SH2D4B: variants seen among roughly 807,000 people sequenced by gnomAD.
SH2D4B encodes SH2 domain-containing protein 4B.
SH2D4B carries 45 observed loss-of-function variants against 61.5 expected under a neutral mutation model. The observed-to-expected ratio is 0.73, with a 90% CI of 0.58 to 0.94. The LOEUF is 0.94. Among genes scored for constraint, SH2D4B ranks in the 40% least tolerant of loss-of-function variants. The probability of loss-of-function intolerance (pLI) is 0.00; values close to 1 mark genes in which losing one functional copy is unlikely to be tolerated. For missense variants in SH2D4B, 572 were observed against 574.2 expected (o/e 1.00, Z 0.04); for synonymous variants, 224 against 220.4 (o/e 1.02, Z -0.14).
intron 1 of SH2D4B, among the ~76,000 whole-genome samples, chr10:80,557,408 T>C (rs901468257): frequency 6.6e-6 from 1 of 152,158 alleles, no homozygotes; most frequent in African/African-American, 2.4e-5. Flanking sequence ...GAATATATTC[T>C]CTCCTCTTCC....
In SH2D4B at chr10:80,603,642, A is replaced by G; in HGVS notation, c.707A>G (p.Tyr236Cys). 6.2e-7 allele frequency: 1 copy of G among 1,602,128 alleles called. No individual in the cohort carries two copies. The highest frequency in any genetic ancestry group is 1.1e-5 in the South Asian group (1 of 88,864). ...SRRAQRARDE[Y>C]RHHSLRAIQK... is the part of the protein sequence containing the mutation. Reference sequence around the variant, plus strand: ...CGAGCCCAGCGCGCCCGGGACGAGTACCGACACCACTCGCTCCGTGCTATC... The same window carrying G: ...CGAGCCCAGCGCGCCCGGGACGAGTGCCGACACCACTCGCTCCGTGCTATC... The change falls in exon 5 of 8, where the codon TAC becomes TGC. Residue 236 changes from tyrosine (Y) to cysteine (C), a missense_variant. By Grantham distance (194) the Tyr-to-Cys change is radical. Coordinates refer to ENST00000646907, the MANE Select transcript of SH2D4B (RefSeq NM_001388272.1).
intron 4 of SH2D4B, among the ~76,000 whole-genome samples, chr10:80,590,183 C>T (rs561755213): frequency 1.7e-4 from 26 of 152,220 alleles, no homozygotes; most frequent in African/African-American, 5.5e-4. Context: ...GGGAGGCAGG[C>T]TAGGCAGGCT....
At chr10:80,622,884 C>G (rs1047757543) in intron 6 of SH2D4B, among the ~76,000 whole-genome samples, 6 of 152,152 alleles carry the variant, frequency 3.9e-5, no homozygotes, top group African/African-American at 1.4e-4. Flanking sequence ...GCTGTTATAG[C>G]AGAATACCTG....
Position 80,538,238 on chromosome 10 carries a change from G to C in SH2D4B, c.-94G>C, listed in dbSNP as rs775569202. ...GGCACCGAGAGTGGCCCCGGATTGAGCAGTCCGTAGTGCAGAGCAGCCCCT... is the reference window on the plus strand; with the variant it reads ...GGCACCGAGAGTGGCCCCGGATTGACCAGTCCGTAGTGCAGAGCAGCCCCT... On this transcript the variant is annotated 5_prime_UTR_variant, in exon 1 of 8. Transcript: ENST00000646907. The surrounding 1 kb of genome is among the most constrained non-coding windows in gnomAD (Gnocchi z 4.8). 8 of 1,072,504 alleles carry C rather than the reference G, an allele frequency of 7.5e-6. No individual in the cohort carries two copies. Among genetic ancestry groups the C allele is most frequent in the Non-Finnish European group, 9.7e-6 (8 of 824,080 alleles). 66.4% of individuals were successfully genotyped at this position (1,072,504 alleles called of 1,614,324 possible).
chr10:80,641,199 T>C (rs1166406432), intron 7 of SH2D4B, among the ~76,000 whole-genome samples: 5 of 152,194 alleles, frequency 3.3e-5, no homozygotes, highest in Non-Finnish European at 7.4e-5. Context: ...CTGTATGAGG[T>C]GTCAGTCAGC....
intron 1 of SH2D4B, among the ~76,000 whole-genome samples, chr10:80,562,736 C>G (rs2132113100): frequency 6.6e-6 from 1 of 152,216 alleles, no homozygotes; most frequent in Admixed American, 6.5e-5. Flanking sequence ...ATTTATGCTC[C>G]CACCAACAGC....
rs1347473097 is a variant in SH2D4B at position 80,645,384 on chromosome 10, A to T, written c.*1299A>T. ...ATGTTGATCAGTGTCATGTGAGCAT[A>T]AGCCAATGGTAGCTTGCCACATGCC... On this transcript the variant is annotated 3_prime_UTR_variant, in exon 8 of 8. Transcript: ENST00000646907. 1 of 152,204 alleles carries T rather than the reference A, an allele frequency of 6.6e-6. No individual in the cohort carries two copies. The highest frequency in any genetic ancestry group is 1.5e-5 in the Non-Finnish European group (1 of 68,060). The allele number at this position is 152,204 out of a possible 1,614,324, so 9.4% of individuals were successfully genotyped here.
chr10:80,601,363 C>A (rs1221317681), intron 4 of SH2D4B, among the ~76,000 whole-genome samples: 1 of 152,308 alleles, frequency 6.6e-6, no homozygotes, highest in African/African-American at 2.4e-5. Context: ...TCACTACTTT[C>A]TTCATTATGC....
intron 4 of SH2D4B, among the ~76,000 whole-genome samples, chr10:80,595,408 A>G (rs964705219): frequency 6.6e-6 from 1 of 152,188 alleles, no homozygotes; most frequent in Non-Finnish European, 1.5e-5. Flanking sequence ...GCTGAAGCCC[A>G]CTAGGTAAAG....
In SH2D4B at chr10:80,549,590, G is replaced by C. The variant is rs201869311; in HGVS notation, c.184+11075G>C. Among the ~76,000 whole-genome samples the C allele has an allele frequency of 1.6e-4, 24 of 152,336 alleles. No homozygotes were observed. In the East Asian group the frequency reaches 2.1e-3, roughly 13 times the overall value. ...AGGGGAGGTTGTGGGGATTAAGTGA[G>C]CCATGTGCAAAGTGCCTGAAGTCCA... On this transcript the variant is annotated intron_variant, in intron 1 of 7. Transcript: ENST00000646907.
intron 1 of SH2D4B, among the ~76,000 whole-genome samples, chr10:80,549,202 ATTGTG>A (rs148113908): frequency 0.13 from 10,736 of 80,530 alleles, 535 homozygotes; most frequent in Middle Eastern, 0.17. Context: ...ATGGGACTTG[ATTGTG>A]TGTGTGTGTG....
chr10:80,579,054 T>A (rs771577551), intron 3 of SH2D4B, among the ~76,000 whole-genome samples: 1 of 152,082 alleles, frequency 6.6e-6, no homozygotes, highest in Non-Finnish European at 1.5e-5. Context: ...AGTGCTTAGA[T>A]TGACTGCATT....
chr10:80,542,139 C>A (rs1409765950), intron 1 of SH2D4B, among the ~76,000 whole-genome samples: 1 of 152,134 alleles, frequency 6.6e-6, no homozygotes, highest in African/African-American at 2.4e-5. Context: ...TATGTCCCAG[C>A]AAGACTTCAG....
rs150371947 is a variant in SH2D4B, at chr10:80,616,922, A to G, written c.988+7371A>G. ...CTGGACCCTCTTCTAAACATTTCTCATATGTTCATTGATTTAGTCCTATGT... is the reference window on the plus strand; with the variant it reads ...CTGGACCCTCTTCTAAACATTTCTCGTATGTTCATTGATTTAGTCCTATGT... On this transcript the variant is annotated intron_variant, in intron 6 of 7. Transcript: ENST00000646907. Among the ~76,000 whole-genome samples, 683 of 152,300 alleles carry G rather than the reference A, an allele frequency of 4.5e-3. 4 individuals carry two copies. The highest frequency in any genetic ancestry group is 0.016 in the African/African-American group (656 of 41,564).
intron 3 of SH2D4B, among the ~76,000 whole-genome samples, chr10:80,578,797 T>C (rs1432027140): frequency 6.6e-6 from 1 of 152,070 alleles, no homozygotes; most frequent in Non-Finnish European, 1.5e-5. Flanking sequence ...AGTTAGGAGA[T>C]TTTTGCAATG....
chr10:80,634,533 G>C lies in SH2D4B; in HGVS notation c.1209+28G>C, dbSNP rs978523882. 19 of 1,544,990 alleles carry C rather than the reference G, an allele frequency of 1.2e-5. 1 individual carries two copies. The highest frequency in any genetic ancestry group is 1.6e-5 in the Non-Finnish European group (18 of 1,144,728). ...ATCCCTCACAGGGATACTAATGGGGGGGAGGGGGAACTGGTGGAAATTGGA... is the reference window on the plus strand; with the variant it reads ...ATCCCTCACAGGGATACTAATGGGGCGGAGGGGGAACTGGTGGAAATTGGA... On this transcript the variant is annotated intron_variant, in intron 7 of 7. Coordinates refer to ENST00000646907, the MANE Select transcript of SH2D4B (RefSeq NM_001388272.1).
chr10:80,564,496 T>A (rs1841942044), intron 1 of SH2D4B, among the ~76,000 whole-genome samples: 1 of 152,216 alleles, frequency 6.6e-6, no homozygotes, highest in African/African-American at 2.4e-5. Flanking sequence ...GGCCTCTCTC[T>A]CCAGGTCTCC....
At chr10:80,634,242 C>T (rs1842867632) in intron 6 of SH2D4B, 43 bp from the exon 7 acceptor site, 1 of 1,478,702 alleles carries the variant, frequency 6.8e-7, no homozygotes, top group Admixed American at 2.4e-5. Context: ...GAGGCAGTCG[C>T]AGAACCTGCT....
In SH2D4B at chr10:80,555,851, T is replaced by C. The variant is rs113838016; in HGVS notation, c.185-14303T>C. Among the ~76,000 whole-genome samples, 491 of 152,146 alleles carry C rather than the reference T, an allele frequency of 3.2e-3. 1 individual carries two copies. Among genetic ancestry groups the C allele is most frequent in the African/African-American group, 0.01 (420 of 41,456 alleles). On this transcript the variant is annotated intron_variant, in intron 1 of 7. Transcript: ENST00000646907. ...AAATGTGGGTTTAAGAACAGGTGGGTTTAAGAACAGGCGTGTTCGTGCCAT... is the reference window on the plus strand; with the variant it reads ...AAATGTGGGTTTAAGAACAGGTGGGCTTAAGAACAGGCGTGTTCGTGCCAT...
Sources: gnomAD v4.1 joint callset for allele counts (sites outside exome capture counted in the v4.1 genomes callset) on GRCh38, gnomAD v4.1.1 for gene constraint, Gnocchi (gnomAD v3.1) non-coding constraint, MANE v1.5 for transcripts, NCBI Gene and HGNC (gene_info 2026-07-23, HGNC 2026-07-21) for gene names.